The following LAMB1 variants were observed in gnomAD, a reference collection of about 807,000 sequenced individuals.
The protein encoded by LAMB1 is laminin subunit beta 1.
A neutral mutation model predicts 222.3 loss-of-function variants in LAMB1; 121 were observed. The observed-to-expected ratio is 0.54, with a 90% CI of 0.47 to 0.63. The LOEUF (loss-of-function observed/expected upper bound fraction) is 0.63, where lower values mean the gene tolerates loss of function less well. Among genes scored for constraint, LAMB1 ranks in the 30% least tolerant of loss-of-function variants. The pLI, the probability that LAMB1 is intolerant of heterozygous loss-of-function variation, is 0.00. For synonymous variants in LAMB1, 794 were observed against 807.2 expected, an observed-to-expected ratio of 0.98 and a Z score of 0.28; for missense variants, 2,172 against 2,240.8, an observed-to-expected ratio of 0.97 and a Z score of 0.62.
In LAMB1 at chr7:108,002,905, G is replaced by C. The variant is rs200473676; in HGVS notation, c.-20C>G. 3.1e-6 allele frequency: 5 copies of C among 1,613,576 alleles called. No individual in the cohort carries two copies. The highest frequency in any genetic ancestry group is 1.3e-5 in the African/African-American group (1 of 75,048). On this transcript the variant is annotated 5_prime_UTR_variant, in exon 2 of 34. Transcript: ENST00000222399. ...CCCCATGCCGGCTCCCTGCAGCCAC[G>C]GGGACGCGGCAGAGGAGTGGAGAAG...
chr7:107,979,788 C>G (rs930993916), intron 8 of LAMB1, among the ~76,000 whole-genome samples: 1 of 152,154 alleles, frequency 6.6e-6, no homozygotes, highest in Admixed American at 6.5e-5. Flanking sequence ...ATTTTCCAGC[C>G]GTGGGCAGGG....
intron 20 of LAMB1, 33 bp downstream of exon 20, chr7:107,959,216 A>G (rs890971846): frequency 6.5e-6 from 10 of 1,544,484 alleles, no homozygotes; most frequent in Middle Eastern, 1.7e-4. Flanking sequence ...GCCAGAGATC[A>G]CTACATTCTC....
At chr7:107,933,114 T>G (rs2032751939) in intron 27 of LAMB1, among the ~76,000 whole-genome samples, 1 of 152,208 alleles carries the variant, frequency 6.6e-6, no homozygotes, top group Admixed American at 6.5e-5. Flanking sequence ...CCTCCTTTCT[T>G]ACCTACCAAA....
chr7:107,980,478 C>T (rs987701641), intron 8 of LAMB1, 131 bp downstream of exon 8: 11 of 697,188 alleles, frequency 1.6e-5, no homozygotes, highest in African/African-American at 3.6e-5. Flanking sequence ...CTGTATGGTG[C>T]AAAGGGCTAA....
chr7:107,928,782 C>G (rs1268404136), intron 31 of LAMB1, among the ~76,000 whole-genome samples: 1 of 152,226 alleles, frequency 6.6e-6, no homozygotes, highest in African/African-American at 2.4e-5. Flanking sequence ...CGTGAGCCAC[C>G]ATGCCCGCCC....
intron 29 of LAMB1, 72 bp downstream of exon 29, chr7:107,931,284 A>AT (rs2032703927): frequency 1.4e-6 from 2 of 1,379,602 alleles, no homozygotes; most frequent in Non-Finnish European, 2.0e-6. Flanking sequence ...ACAGAAATGG[A>AT]TTTTATCTAA....
chr7:107,991,739 T>C (rs2034187189), intron 5 of LAMB1, among the ~76,000 whole-genome samples: 1 of 151,922 alleles, frequency 6.6e-6, no homozygotes, highest in African/African-American at 2.4e-5. Flanking sequence ...TGAAACCCTG[T>C]CTCTACTAAA....
intron 22 of LAMB1, among the ~76,000 whole-genome samples, chr7:107,952,612 T>C (rs1415808046): frequency 1.3e-5 from 2 of 152,224 alleles, no homozygotes; most frequent in Non-Finnish European, 2.9e-5. Context: ...ATAAACGTGT[T>C]GGACATAGCA....
At position 107,959,321 on chromosome 7, in the gene LAMB1, G is replaced by T. The variant is rs763314154; in HGVS notation, c.2618C>A (p.Ala873Asp). Reference protein sequence around the residue: ...SCQPCQCNGHADDCDPVTGEC... With the variant: ...SCQPCQCNGHDDDCDPVTGEC... ...CCCAGTCACTGGGTCGCAGTCATCG[G>T]CGTGGCCATTGCACTGGCAGGGCTG... Residue 873 changes from alanine (A) to aspartate (D), a missense_variant, in exon 20 of 34, where the codon GCC becomes GAC. Physicochemically the swap from Ala to Asp is moderately radical, Grantham distance 126. Transcript: ENST00000222399. The T allele has an allele frequency of 6.2e-7, 1 of 1,614,260 alleles. No individual in the cohort carries two copies. The highest frequency in any genetic ancestry group is 2.2e-5 in the East Asian group (1 of 44,888).
chr7:107,964,798 T>A, intron 13 of LAMB1, 111 bp from the exon 14 acceptor site: 1 of 1,181,560 alleles, frequency 8.5e-7, no homozygotes, highest in African/African-American at 1.5e-5. Flanking sequence ...ATACATAGCA[T>A]GTTCTTGTTT....
At chr7:107,987,861 A>G (rs765539245) in intron 5 of LAMB1, among the ~76,000 whole-genome samples, 6 of 152,218 alleles carry the variant, frequency 3.9e-5, no homozygotes, top group Admixed American at 1.3e-4. Context: ...AGGCGGCTGC[A>G]CGTGGCAGAA....
rs1455965416 is a variant in LAMB1 at position 107,959,682 on chromosome 7, G to A, written c.2458+9C>T. 5 of 1,614,102 alleles carry A rather than the reference G, an allele frequency of 3.1e-6. No individual in the cohort carries two copies. The African/African-American group carries it at 5.3e-5, about 17-fold the overall frequency. ...AATGAATGCATAACAATGCTTTTGA[G>A]GAACCTACGTTTGCATCCACTGGGG... On this transcript the variant is annotated intron_variant, in intron 19 of 33. Coordinates refer to ENST00000222399, the MANE Select transcript of LAMB1 (RefSeq NM_002291.3).
chr7:107,965,693 T>G (rs749134119), intron 13 of LAMB1, among the ~76,000 whole-genome samples: 3 of 152,234 alleles, frequency 2.0e-5, no homozygotes, highest in Non-Finnish European at 4.4e-5. Flanking sequence ...AATTGTTACT[T>G]TCAACTCATT....
intron 7 of LAMB1, among the ~76,000 whole-genome samples, chr7:107,985,817 C>T (rs1298096161): frequency 2.0e-5 from 3 of 151,688 alleles, no homozygotes; most frequent in Non-Finnish European, 2.9e-5. Flanking sequence ...ATTAGCTGGG[C>T]GTGGTGGCAC....
At chr7:107,925,300 G>GT (rs2116304269) in intron 32 of LAMB1, among the ~76,000 whole-genome samples, 1 of 152,272 alleles carries the variant, frequency 6.6e-6, no homozygotes, top group South Asian at 2.1e-4. Flanking sequence ...GGGCAGGCAA[G>GT]TATTATTGCC....
At chr7:107,958,948 G>C (rs559103315) in intron 20 of LAMB1, among the ~76,000 whole-genome samples, 12 of 152,334 alleles carry the variant, frequency 7.9e-5, no homozygotes, top group Admixed American at 2.6e-4. Flanking sequence ...GCCAGAATCT[G>C]CTGAGACAGA....
chr7:107,931,460 CT>C lies in LAMB1; in HGVS notation c.4432del (p.Ser1478ValfsTer7). 1 of 1,613,684 alleles carries C rather than the reference CT, an allele frequency of 6.2e-7. No homozygotes were observed. Among genetic ancestry groups the C allele is most frequent in the Non-Finnish European group, 8.5e-7 (1 of 1,179,798 alleles). ...AKLRADEAKQ[S>X]AEDILLKTNA... is the part of the protein sequence containing the mutation. ...TGTCTTCAACAGAATGTCTTCAGCACTTTGTTTTGCCTCATCTGCCCTCAGT... is the reference window on the plus strand; with the variant it reads ...TGTCTTCAACAGAATGTCTTCAGCACTTGTTTTGCCTCATCTGCCCTCAGT... On this transcript the variant is annotated frameshift_variant, in exon 29 of 34. Transcript: ENST00000222399. LOFTEE classifies it high-confidence loss of function.
intron 8 of LAMB1, among the ~76,000 whole-genome samples, chr7:107,979,383 C>T (rs892573332): frequency 6.6e-6 from 1 of 152,170 alleles, no homozygotes; most frequent in African/African-American, 2.4e-5. Flanking sequence ...GGCAACAGCA[C>T]ATAAGCACAG....
At chr7:107,961,058 G>T in intron 17 of LAMB1, 148 bp downstream of exon 17, 2 of 803,608 alleles carry the variant, frequency 2.5e-6, no homozygotes, top group African/African-American at 1.7e-5. Context: ...CCATGGGGTG[G>T]AGTATAAGCA....
Sources: allele counts gnomAD v4.1 joint callset (sites outside exome capture counted in the v4.1 genomes callset), GRCh38; gene constraint gnomAD v4.1.1; transcripts MANE v1.5; gene names NCBI Gene and HGNC (gene_info 2026-07-23, HGNC 2026-07-21).